The following CTNNA3 variants were observed in gnomAD, a reference collection of about 807,000 sequenced individuals.
CTNNA3 encodes catenin alpha 3.
Under a neutral mutation model 95.7 loss-of-function variants are expected in CTNNA3, and 76 were observed. The ratio of observed to expected loss-of-function variants is 0.79; its 90% confidence interval spans 0.66 to 0.96. The LOEUF is 0.96. Among genes scored for constraint, CTNNA3 ranks in the 40% least tolerant of loss-of-function variants. The pLI is 0.00. For missense variants in CTNNA3, 1,191 were observed against 1,089.8 expected (o/e 1.09, Z -1.31); for synonymous variants, 431 against 374.4 (o/e 1.15, Z -1.74).
At chr10:66,090,706 T>C (rs1359198939) in intron 14 of CTNNA3, among the ~76,000 whole-genome samples, 1 of 151,996 alleles carries the variant, frequency 6.6e-6, no homozygotes, top group Non-Finnish European at 1.5e-5. Context: ...TTCTTACAAG[T>C]ACATGACTAT....
chr10:66,636,927 T>C (rs1375401961), intron 9 of CTNNA3, among the ~76,000 whole-genome samples: 1 of 152,162 alleles, frequency 6.6e-6, no homozygotes, highest in African/African-American at 2.4e-5. Context: ...AGTAAAACAC[T>C]AAATGCTGAT....
intron 5 of CTNNA3, among the ~76,000 whole-genome samples, chr10:67,229,786 A>G (rs1424230672): frequency 1.3e-5 from 2 of 152,208 alleles, no homozygotes; most frequent in Non-Finnish European, 2.9e-5. Context: ...AAAGACCTCT[A>G]CAAGGAAAAC....
chr10:66,173,479 G>A (rs893171691), intron 13 of CTNNA3, among the ~76,000 whole-genome samples: 18 of 151,950 alleles, frequency 1.2e-4, no homozygotes, highest in African/African-American at 4.4e-4. Flanking sequence ...GAACCCAGGA[G>A]TTTGAGACCA....
intron 5 of CTNNA3, among the ~76,000 whole-genome samples, chr10:67,258,130 T>C (rs1306490579): frequency 6.6e-6 from 1 of 152,116 alleles, no homozygotes; most frequent in Admixed American, 6.6e-5. Context: ...ATTTCAACAA[T>C]GGTTATCCTT....
intron 5 of CTNNA3, among the ~76,000 whole-genome samples, chr10:67,513,069 A>C (rs558756809): frequency 3.1e-4 from 47 of 152,294 alleles, no homozygotes; most frequent in African/African-American, 1.1e-3. Context: ...CTCACCGCCT[A>C]ATACAGTATA....
In CTNNA3 at chr10:66,055,132, G is replaced by A. The variant is rs2080051005; in HGVS notation, c.2159+14176C>T. Among the ~76,000 whole-genome samples the A allele has an allele frequency of 2.6e-5, 4 of 152,186 alleles. No individual in the cohort carries two copies. In the South Asian group the frequency reaches 6.2e-4, roughly 24 times the overall value. On this transcript the variant is annotated intron_variant, in intron 15 of 17. Transcript: ENST00000433211. ...CTGTTTGGGGTACTATAGCTTTGTA[G>A]TATAAATTTAAGTCAGGTAATGTGA...
intron 15 of CTNNA3, among the ~76,000 whole-genome samples, chr10:66,037,672 C>T (rs1330123846): frequency 2.6e-5 from 4 of 151,608 alleles, no homozygotes; most frequent in Non-Finnish European, 5.9e-5. Flanking sequence ...GATTCCAGTA[C>T]GGTCAAGAAA....
chr10:67,505,050 A>T (rs1839389865), intron 5 of CTNNA3, among the ~76,000 whole-genome samples: 1 of 152,150 alleles, frequency 6.6e-6, no homozygotes, highest in African/African-American at 2.4e-5. Flanking sequence ...TTCCTGTCTG[A>T]TTTTTTTCTT....
intron 15 of CTNNA3, among the ~76,000 whole-genome samples, chr10:66,026,089 A>C (rs911690385): frequency 2.0e-5 from 3 of 152,202 alleles, no homozygotes; most frequent in African/African-American, 7.2e-5. Flanking sequence ...GAACCAGAGG[A>C]ACAAAATAAA....
At chr10:66,644,063 G>C (rs1353855313) in intron 9 of CTNNA3, among the ~76,000 whole-genome samples, 1 of 151,948 alleles carries the variant, frequency 6.6e-6, no homozygotes, top group Non-Finnish European at 1.5e-5. Flanking sequence ...TTCGAGACCA[G>C]CCTGGGCAAT....
chr10:66,733,704 A>T (rs1207969263), intron 9 of CTNNA3, among the ~76,000 whole-genome samples: 1 of 151,686 alleles, frequency 6.6e-6, no homozygotes, highest in South Asian at 2.1e-4. Flanking sequence ...GAGTTAGGAA[A>T]ATGATTACAT....
chr10:66,125,263 T>G (rs561529807), intron 13 of CTNNA3, among the ~76,000 whole-genome samples: 1 of 152,268 alleles, frequency 6.6e-6, no homozygotes, highest in East Asian at 1.9e-4. Flanking sequence ...ATAATACTAG[T>G]AACAATATAT....
chr10:66,176,841 G>A (rs1467837495), intron 13 of CTNNA3, among the ~76,000 whole-genome samples: 1 of 151,882 alleles, frequency 6.6e-6, no homozygotes, highest in East Asian at 1.9e-4. Flanking sequence ...ATGGCATTTT[G>A]TTACAGCAGC....
At chr10:65,925,429 C>T (rs2077155035) in intron 17 of CTNNA3, among the ~76,000 whole-genome samples, 1 of 152,014 alleles carries the variant, frequency 6.6e-6, no homozygotes, top group Non-Finnish European at 1.5e-5. Flanking sequence ...TAACTTCTTT[C>T]TTCTAATATA....
intron 7 of CTNNA3, among the ~76,000 whole-genome samples, chr10:66,868,680 G>C (rs1844280625): frequency 6.6e-6 from 1 of 151,198 alleles, no homozygotes; most frequent in South Asian, 2.1e-4. Context: ...GAACCCAGAA[G>C]GCAGAGGTTG....
chr10:65,961,315 T>A (rs559612284), intron 17 of CTNNA3, among the ~76,000 whole-genome samples: 1 of 152,282 alleles, frequency 6.6e-6, no homozygotes, highest in South Asian at 2.1e-4. Flanking sequence ...CAACTGATCA[T>A]GATACAATTT....
At chr10:66,493,280 A>G (rs373445442) in intron 11 of CTNNA3, among the ~76,000 whole-genome samples, 3 of 152,334 alleles carry the variant, frequency 2.0e-5, no homozygotes, top group Admixed American at 6.5e-5. Flanking sequence ...AAACAGCTTT[A>G]TAATGTCAGT....
upstream of CTNNA3, among the ~76,000 whole-genome samples, chr10:67,700,438 G>C (rs1238096736): frequency 1.3e-5 from 2 of 152,166 alleles, no homozygotes; most frequent in African/African-American, 4.8e-5. Flanking sequence ...ACTTGCAGAG[G>C]AACGATCAGA....
intron 5 of CTNNA3, among the ~76,000 whole-genome samples, chr10:67,488,782 G>A (rs1425753543): frequency 6.6e-6 from 1 of 150,614 alleles, no homozygotes; most frequent in Non-Finnish European, 1.5e-5. Flanking sequence ...CAATTCTCCT[G>A]TCTCAGCCTC....
Sources: allele counts gnomAD v4.1 joint callset (sites outside exome capture counted in the v4.1 genomes callset), GRCh38; gene constraint gnomAD v4.1.1; transcripts MANE v1.5; gene names NCBI Gene and HGNC (gene_info 2026-07-23, HGNC 2026-07-21).